The following CACNA1A variants were observed in gnomAD, a reference collection of about 807,000 sequenced individuals.
CACNA1A encodes voltage-dependent P/Q-type calcium channel subunit alpha-1A.
A neutral mutation model predicts 262.4 loss-of-function variants in CACNA1A; 57 were observed. That is an observed-to-expected ratio of 0.22 (90% CI 0.18 to 0.27). The LOEUF (loss-of-function observed/expected upper bound fraction) is 0.27. CACNA1A is among the 10% of genes least tolerant of loss of function. The probability of loss-of-function intolerance (pLI) is 1.00; values close to 1 mark genes in which losing one functional copy is unlikely to be tolerated. For synonymous variants in CACNA1A, 1,431 were observed against 1,419.3 expected (o/e 1.01, Z -0.18); for missense variants, 2,526 against 3,562.8 (o/e 0.71, Z 7.41).
chr19:13,270,237 G>A (rs2056983454), intron 24 of CACNA1A, among the ~76,000 whole-genome samples: 1 of 152,110 alleles, frequency 6.6e-6, no homozygotes, highest in South Asian at 2.1e-4. Context: ...GAGGCTAAAG[G>A]ACTTGCACAT....
Position 13,207,571 on chromosome 19 carries a change from C to A in CACNA1A, c.7263G>T (p.Pro2421=). 1 of 1,473,358 alleles carries A rather than the reference C, an allele frequency of 6.8e-7. No individual in the cohort carries two copies. The allele number at this position is 1,473,358 out of a possible 1,614,324, so 91.3% of individuals were successfully genotyped here. Residue 2421 remains proline, a synonymous_variant, in exon 47 of 47, where the codon CCG becomes CCT. Coordinates refer to ENST00000360228, the MANE Select transcript of CACNA1A (RefSeq NM_001127222.2). The surrounding 1 kb of genome is among the most constrained non-coding windows in gnomAD (Gnocchi z 5.7). ...TGGCCTCCTCGCCGCCCCCGCTGCC[C>A]GGGCCATCGGCCTCGTCGTAGTCGG... is the stretch of plus-strand genomic sequence containing the variant. ...RGSDYDEADG[P]GSGGGEEAMA...
intron 1 of CACNA1A, among the ~76,000 whole-genome samples, chr19:13,466,043 C>A (rs2061229717): frequency 1.3e-5 from 2 of 151,998 alleles, no homozygotes; most frequent in African/African-American, 4.8e-5. Context: ...TTAATGGGTA[C>A]AAGGTCTCCT....
chr19:13,287,760 C>T (rs1028971789), intron 19 of CACNA1A, among the ~76,000 whole-genome samples: 6 of 151,446 alleles, frequency 4.0e-5, no homozygotes, highest in Non-Finnish European at 5.9e-5. Flanking sequence ...CCTCAGCCTC[C>T]CAAAGTGCTG....
chr19:13,505,790 G>C lies in CACNA1A; in HGVS notation c.293+142C>G, dbSNP rs1316308318. 5.0e-6 allele frequency: 4 copies of C among 798,538 alleles called. No individual in the cohort carries two copies. In the Admixed American group the frequency reaches 6.5e-5, roughly 13 times the overall value. 49.5% of individuals were successfully genotyped at this position (798,538 alleles called of 1,614,324 possible). A position where few individuals can be genotyped will look rare whatever the true frequency, so the allele number is the denominator to read the frequency against. On this transcript the variant is annotated intron_variant, in intron 1 of 46. Transcript: ENST00000360228. ...GAGAGATTCTTTCACACTCCTCCCG[G>C]TGCCCCCTCTCCCAGCCCCTGGAAG...
chr19:13,245,101 C>T (rs2056191331), intron 31 of CACNA1A, 81 bp downstream of exon 31: 3 of 1,123,112 alleles, frequency 2.7e-6, no homozygotes, highest in Non-Finnish European at 4.1e-6. Flanking sequence ...GACACACTGC[C>T]TCTGGGACCG....
intron 19 of CACNA1A, among the ~76,000 whole-genome samples, chr19:13,296,681 C>G (rs1025848709): frequency 6.6e-6 from 1 of 151,006 alleles, no homozygotes; most frequent in African/African-American, 2.4e-5. Flanking sequence ...TGAGCCACCA[C>G]ATCCCGCTGC....
At chr19:13,376,659 AAT>A (rs922700928) in intron 3 of CACNA1A, among the ~76,000 whole-genome samples, 160 of 135,426 alleles carry the variant, frequency 1.2e-3, no homozygotes, top group African/African-American at 3.2e-3. Context: ...CACTACACAT[AAT>A]ATATGTTATA....
chr19:13,487,942 A>C (rs562514255), intron 1 of CACNA1A, among the ~76,000 whole-genome samples: 2 of 152,056 alleles, frequency 1.3e-5, no homozygotes, highest in Admixed American at 1.3e-4. Flanking sequence ...AGCAGCTAGG[A>C]CTACAGGCAT....
In CACNA1A at chr19:13,325,431, C is replaced by T. The variant is rs772715423; in HGVS notation, c.1345+4813G>A. On this transcript the variant is annotated intron_variant, in intron 10 of 46. Transcript: ENST00000360228. ...CATTGGGATTATAGGCATGAGCCAC[C>T]GCACCAGGCCTGTATTATTGCATTC... Among the ~76,000 whole-genome samples, 5 of 152,226 alleles carry T rather than the reference C, an allele frequency of 3.3e-5. 1 individual carries two copies. Among genetic ancestry groups the T allele is most frequent in the African/African-American group, 1.2e-4 (5 of 41,550 alleles).
chr19:13,503,328 G>A (rs779786217), intron 1 of CACNA1A, among the ~76,000 whole-genome samples: 9 of 152,032 alleles, frequency 5.9e-5, no homozygotes, highest in Non-Finnish European at 1.3e-4. Context: ...GGCACTGATC[G>A]GGACCTGGGT....
At chr19:13,481,481 TAA>T (rs1244504414) in intron 1 of CACNA1A, among the ~76,000 whole-genome samples, 1 of 145,514 alleles carries the variant, frequency 6.9e-6, no homozygotes, top group Non-Finnish European at 1.5e-5. Flanking sequence ...TGGTGGAAGC[TAA>T]GACAGTGACA....
chr19:13,300,514 AG>A, intron 18 of CACNA1A, 35 bp downstream of exon 18: 1 of 1,425,956 alleles, frequency 7.0e-7, no homozygotes, highest in Non-Finnish European at 9.9e-7. Context: ...GACGTTCAGG[AG>A]CCAGGGTAGC....
chr19:13,238,992 T>C (rs2055976992), intron 31 of CACNA1A, among the ~76,000 whole-genome samples: 1 of 152,060 alleles, frequency 6.6e-6, no homozygotes, highest in Non-Finnish European at 1.5e-5. Context: ...CACTGTTCTC[T>C]CTCCTCCACT....
intron 15 of CACNA1A, 109 bp downstream of exon 15, chr19:13,307,673 A>G: frequency 1.2e-6 from 1 of 823,406 alleles, no homozygotes; most frequent in Non-Finnish European, 2.0e-6. Context: ...TGGTGTGAAA[A>G]GGCCAGGTAG....
intron 10 of CACNA1A, among the ~76,000 whole-genome samples, chr19:13,319,849 T>C (rs2058210919): frequency 6.6e-6 from 1 of 152,152 alleles, no homozygotes; most frequent in Non-Finnish European, 1.5e-5. Flanking sequence ...GTCATCCCCA[T>C]TTTACAGCCA....
chr19:13,416,975 T>A (rs940262446), intron 3 of CACNA1A, among the ~76,000 whole-genome samples: 3 of 152,208 alleles, frequency 2.0e-5, no homozygotes, highest in African/African-American at 4.8e-5. Context: ...AATATCCACA[T>A]ACGGATATTA....
intron 3 of CACNA1A, among the ~76,000 whole-genome samples, chr19:13,414,181 C>T (rs993669608): frequency 6.6e-6 from 1 of 151,664 alleles, no homozygotes; most frequent in Non-Finnish European, 1.5e-5. Flanking sequence ...AACTTTGAGT[C>T]CGGGAGTTTG....
chr19:13,214,938 A>G lies in CACNA1A; in HGVS notation c.5732-330T>C. ...AGGTTACTCTACCACTTAGTAACTC[A>G]GTTTCTCCATCTGTGAAATGGAGAT... On this transcript the variant is annotated intron_variant, in intron 38 of 46. Coordinates refer to ENST00000360228, the MANE Select transcript of CACNA1A (RefSeq NM_001127222.2). This position sits in a 1 kb window ranked among gnomAD's most constrained non-coding sequence, Gnocchi z 4.1. 3.5e-6 allele frequency: 1 copy of G among 282,044 alleles called. No homozygotes were observed. Among genetic ancestry groups the G allele is most frequent in the Non-Finnish European group, 6.8e-6 (1 of 147,976 alleles). 17.5% of individuals were successfully genotyped at this position (282,044 alleles called of 1,614,324 possible). A position where few individuals can be genotyped will look rare whatever the true frequency, so the allele number is the denominator to read the frequency against.
At chr19:13,499,588 T>C (rs1401082282) in intron 1 of CACNA1A, among the ~76,000 whole-genome samples, 1 of 152,118 alleles carries the variant, frequency 6.6e-6, no homozygotes, top group Non-Finnish European at 1.5e-5. Context: ...TGCTGGAGAC[T>C]GTGCTGGCCA....
Sources: gnomAD v4.1 joint callset for allele counts (sites outside exome capture counted in the v4.1 genomes callset) on GRCh38, gnomAD v4.1.1 for gene constraint, Gnocchi (gnomAD v3.1) non-coding constraint, MANE v1.5 for transcripts, NCBI Gene and HGNC (gene_info 2026-07-23, HGNC 2026-07-21) for gene names.